TMC1: variants seen among roughly 807,000 people sequenced by gnomAD.
The protein encoded by TMC1 is transmembrane channel like 1.
A neutral mutation model predicts 105.8 loss-of-function variants in TMC1; 84 were observed. That is an observed-to-expected ratio of 0.79 (90% confidence interval 0.67 to 0.95). The LOEUF is 0.95. Ranked by LOEUF, TMC1 falls within the 40% of genes least tolerant of loss-of-function variation. The pLI, the probability that TMC1 is intolerant of heterozygous loss-of-function variation, is 0.00. For missense variants in TMC1, 817 were observed against 914.1 expected (o/e 0.89, Z 1.37); for synonymous variants, 315 against 311.5 (o/e 1.01, Z -0.12).
chr9:72,675,514 C>G (rs1826188870), intron 5 of TMC1, among the ~76,000 whole-genome samples: 1 of 152,096 alleles, frequency 6.6e-6, no homozygotes, highest in African/African-American at 2.4e-5. Flanking sequence ...AGGAGTCTCT[C>G]TTCATCAACG....
chr9:72,648,456 G>A (rs1159086515), intron 4 of TMC1, 141 bp from the exon 5 acceptor site: 11 of 638,610 alleles, frequency 1.7e-5, no homozygotes, highest in South Asian at 3.6e-5. Flanking sequence ...CTAAACATTC[G>A]TGAAAATTTA....
chr9:72,571,048 C>T (rs1301760053), intron 1 of TMC1, among the ~76,000 whole-genome samples: 1 of 149,348 alleles, frequency 6.7e-6, no homozygotes. Context: ...TATGGCTGGG[C>T]ATGGTGGCTC....
chr9:72,714,380 T>C (rs1826885584), intron 8 of TMC1, among the ~76,000 whole-genome samples: 1 of 152,184 alleles, frequency 6.6e-6, no homozygotes, highest in African/African-American at 2.4e-5. Context: ...AGTCTCATGC[T>C]ATTATTGTGT....
intron 4 of TMC1, among the ~76,000 whole-genome samples, chr9:72,634,054 C>G (rs1825492466): frequency 6.6e-6 from 1 of 152,100 alleles, no homozygotes; most frequent in Admixed American, 6.6e-5. Context: ...CCCAAGAGCT[C>G]AGGGGCTAGG....
At chr9:72,598,642 T>C (rs891179531) in intron 2 of TMC1, among the ~76,000 whole-genome samples, 2 of 152,220 alleles carry the variant, frequency 1.3e-5, no homozygotes, top group Non-Finnish European at 2.9e-5. Flanking sequence ...ATGAGATTAC[T>C]GATCCTTGCC....
intron 3 of TMC1, among the ~76,000 whole-genome samples, chr9:72,619,150 G>T (rs540380786): frequency 2.0e-4 from 30 of 152,238 alleles, no homozygotes; most frequent in African/African-American, 7.0e-4. Context: ...TGTATCAAAA[G>T]AACTCAGGAG....
intron 2 of TMC1, among the ~76,000 whole-genome samples, chr9:72,606,372 AG>A (rs1274234530): frequency 6.6e-6 from 1 of 152,188 alleles, no homozygotes; most frequent in East Asian, 1.9e-4. Flanking sequence ...CTTATAACTT[AG>A]GTTTAGAAAT....
At chr9:72,545,427 A>G (rs951038386) in intron 1 of TMC1, among the ~76,000 whole-genome samples, 3 of 152,164 alleles carry the variant, frequency 2.0e-5, no homozygotes, top group Non-Finnish European at 4.4e-5. Flanking sequence ...AAACTGGTCA[A>G]TGATTTCATT....
intron 12 of TMC1, among the ~76,000 whole-genome samples, chr9:72,766,785 C>A (rs997786655): frequency 6.6e-6 from 1 of 152,218 alleles, no homozygotes; most frequent in Non-Finnish European, 1.5e-5. Flanking sequence ...GTACTCCACA[C>A]TGTCTCTGTT....
At chr9:72,718,806 G>A (rs1826966268) in intron 8 of TMC1, among the ~76,000 whole-genome samples, 1 of 152,140 alleles carries the variant, frequency 6.6e-6, no homozygotes, top group Non-Finnish European at 1.5e-5. Context: ...TACCAGGGTG[G>A]GTAGGGAAGG....
At position 72,820,882 on chromosome 9, in the gene TMC1, A is replaced by G; in HGVS notation, c.1804A>G (p.Ile602Val). 1 of 1,614,148 alleles carries G rather than the reference A, an allele frequency of 6.2e-7. No individual in the cohort carries two copies. Among genetic ancestry groups the G allele is most frequent in the Non-Finnish European group, 8.5e-7 (1 of 1,180,022 alleles). The stretch of plus-strand genomic sequence containing the variant: ...TGCTCCCAGCCTCCCAGGCATCAAT[A>G]TCCTTCGACTCCATACATCCATGTA... The part of the protein sequence containing the change: ...FFAPSLPGIN[I>V]LRLHTSMYFQ... Residue 602 changes from isoleucine to valine, a missense_variant, in exon 20 of 24, where the codon ATC (isoleucine) becomes GTC (valine). Transcript: ENST00000297784.
chr9:72,675,096 C>T (rs1412765991), intron 5 of TMC1, among the ~76,000 whole-genome samples: 1 of 152,166 alleles, frequency 6.6e-6, no homozygotes, highest in Non-Finnish European at 1.5e-5. Context: ...CATGCACACA[C>T]ACACATATGC....
intron 2 of TMC1, among the ~76,000 whole-genome samples, chr9:72,599,530 T>C (rs930827845): frequency 6.6e-6 from 1 of 152,182 alleles, no homozygotes; most frequent in South Asian, 2.1e-4. Flanking sequence ...GGAGTCCAAA[T>C]TGAAGTTCGA....
At chr9:72,609,058 T>G (rs767654412) in intron 2 of TMC1, among the ~76,000 whole-genome samples, 2 of 152,026 alleles carry the variant, frequency 1.3e-5, no homozygotes, top group Non-Finnish European at 1.5e-5. Context: ...CCTCCCTTAC[T>G]CCCCTCCTCT....
At chr9:72,750,543 C>CT (rs34592210) in intron 10 of TMC1, among the ~76,000 whole-genome samples, 3 of 151,392 alleles carry the variant, frequency 2.0e-5, no homozygotes, top group Admixed American at 6.6e-5. Context: ...TAAGAGGGTG[C>CT]TTTTTTTTTC....
At chr9:72,777,392 TTTTACTTCTCA>T (rs1828023173) in intron 13 of TMC1, among the ~76,000 whole-genome samples, 1 of 152,318 alleles carries the variant, frequency 6.6e-6, no homozygotes, top group East Asian at 1.9e-4. Context: ...CAGTCTAATA[TTTTACTTCTCA>T]GAGATATTTT....
intron 6 of TMC1, 121 bp downstream of exon 6, chr9:72,688,877 C>T: frequency 1.2e-6 from 1 of 839,876 alleles, no homozygotes; most frequent in Admixed American, 2.0e-5. Flanking sequence ...GATAACTTTT[C>T]ATGGTCTCAC....
chr9:72,558,767 C>A (rs574430754), intron 1 of TMC1, among the ~76,000 whole-genome samples: 1 of 152,150 alleles, frequency 6.6e-6, no homozygotes, highest in African/African-American at 2.4e-5. Context: ...ATTGCAGAGT[C>A]GGATGCAGCA....
At chr9:72,543,952 C>CTTTCTTTCT (rs376392146) in intron 1 of TMC1, among the ~76,000 whole-genome samples, 5,506 of 134,352 alleles carry the variant, frequency 0.041, 269 homozygotes, top group African/African-American at 0.1. Flanking sequence ...TTCTTTCTTT[C>CTTTCTTTCT]TTTTTTTTTT....
Sources: gnomAD v4.1 joint callset for allele counts (sites outside exome capture counted in the v4.1 genomes callset) on GRCh38, gnomAD v4.1.1 for gene constraint, MANE v1.5 for transcripts, NCBI Gene and HGNC (gene_info 2026-07-23, HGNC 2026-07-21) for gene names.